Variants in ZFPM2 observed in about 807,000 individuals in gnomAD.
ZFPM2 encodes zinc finger protein, FOG family member 2, also known as zinc finger protein ZFPM2.
In ZFPM2, 20 loss-of-function variants were observed where a neutral mutation model predicts 98.6. The observed-to-expected ratio is 0.20, with a 90% CI of 0.14 to 0.29. The LOEUF (loss-of-function observed/expected upper bound fraction) is 0.29. Ranked by LOEUF, ZFPM2 falls within the 10% of genes least tolerant of loss-of-function variation. The pLI is 1.00. For missense variants in ZFPM2, 1,310 were observed against 1,388.6 expected, an observed-to-expected ratio of 0.94 and a Z score of 0.90; for synonymous variants, 518 against 502.7, an observed-to-expected ratio of 1.03 and a Z score of -0.41.
chr8:105,803,137 G>C lies in ZFPM2; in HGVS notation c.3055G>C (p.Ala1019Pro), dbSNP rs750342489. The C allele has an allele frequency of 1.2e-6, 2 of 1,613,900 alleles. No homozygotes were observed. The highest frequency in any genetic ancestry group is 1.1e-5 in the South Asian group (1 of 91,076). The change falls in exon 8 of 8, where the codon GCT becomes CCT. Residue 1019 changes from alanine (A) to proline (P), a missense_variant. Ala to Pro is a conservative substitution (Grantham distance 27). Coordinates refer to ENST00000407775, the MANE Select transcript of ZFPM2 (RefSeq NM_012082.4). ...NAENESPKGQ[A>P]SSNGCAALKK... is the part of the protein sequence containing the mutation. Reference sequence around the variant, plus strand: ...AGAAAATGAATCTCCTAAAGGCCAGGCTTCCTCAAATGGGTGTGCTGCGCT... The same window carrying C: ...AGAAAATGAATCTCCTAAAGGCCAGCCTTCCTCAAATGGGTGTGCTGCGCT...
intron 1 of ZFPM2, among the ~76,000 whole-genome samples, chr8:105,373,847 T>C (rs1810670228): frequency 1.3e-5 from 2 of 152,190 alleles, no homozygotes; most frequent in African/African-American, 4.8e-5. Flanking sequence ...TGACATACAA[T>C]AGGCAGAGAC....
intron 4 of ZFPM2, among the ~76,000 whole-genome samples, chr8:105,625,749 T>A (rs1816640879): frequency 6.6e-6 from 1 of 151,836 alleles, no homozygotes; most frequent in African/African-American, 2.4e-5. Context: ...CTGGCTAATG[T>A]TTTTTGTAAT....
chr8:105,791,384 G>T (rs1048323976), intron 6 of ZFPM2, among the ~76,000 whole-genome samples: 1 of 152,240 alleles, frequency 6.6e-6, no homozygotes, highest in South Asian at 2.1e-4. Context: ...TTATATGCTG[G>T]ATTACATTTA....
intron 4 of ZFPM2, among the ~76,000 whole-genome samples, chr8:105,576,128 A>T (rs1413382864): frequency 6.6e-6 from 1 of 152,200 alleles, no homozygotes; most frequent in African/African-American, 2.4e-5. Context: ...AAGACAGCTA[A>T]AGCTCCAGCA....
At chr8:105,639,507 C>T (rs960204857) in intron 5 of ZFPM2, among the ~76,000 whole-genome samples, 5 of 151,864 alleles carry the variant, frequency 3.3e-5, no homozygotes, top group Non-Finnish European at 5.9e-5. Flanking sequence ...TCTTTATATG[C>T]GAAGCCACAA....
intron 5 of ZFPM2, among the ~76,000 whole-genome samples, chr8:105,732,577 C>T (rs751451412): frequency 6.6e-6 from 1 of 151,836 alleles, no homozygotes; most frequent in African/African-American, 2.4e-5. Flanking sequence ...AGGGATGTTG[C>T]TTCTCATTAG....
At chr8:105,524,102 TAATATA>T (rs1279806724) in intron 3 of ZFPM2, among the ~76,000 whole-genome samples, 1 of 152,186 alleles carries the variant, frequency 6.6e-6, no homozygotes, top group Non-Finnish European at 1.5e-5. Flanking sequence ...TATCAACTAT[TAATATA>T]TATATTTATA....
At chr8:105,651,846 T>C (rs1050320036) in intron 5 of ZFPM2, among the ~76,000 whole-genome samples, 10 of 152,208 alleles carry the variant, frequency 6.6e-5, no homozygotes, top group Admixed American at 5.9e-4. Flanking sequence ...AAATTACTCA[T>C]GTGGAAATCA....
intron 4 of ZFPM2, among the ~76,000 whole-genome samples, chr8:105,569,979 T>C (rs1210905004): frequency 2.0e-5 from 3 of 152,168 alleles, no homozygotes; most frequent in Admixed American, 2.0e-4. Flanking sequence ...ATTCCTCTAA[T>C]TGGGCTTAAG....
intron 5 of ZFPM2, among the ~76,000 whole-genome samples, chr8:105,715,474 A>G (rs1169988611): frequency 6.6e-6 from 1 of 151,556 alleles, no homozygotes. Flanking sequence ...GAATTAATAT[A>G]CTAATTTACT....
At chr8:105,735,304 C>T (rs1463149834) in intron 5 of ZFPM2, among the ~76,000 whole-genome samples, 6 of 151,126 alleles carry the variant, frequency 4.0e-5, no homozygotes, top group Non-Finnish European at 8.9e-5. Context: ...GATACAGTTG[C>T]TTTTAAGGAC....
chr8:105,795,035 G>A (rs548736761), intron 6 of ZFPM2, among the ~76,000 whole-genome samples: 5 of 152,234 alleles, frequency 3.3e-5, no homozygotes, highest in South Asian at 2.1e-4. Flanking sequence ...TGCGCTTCCC[G>A]AGTGAGGCAA....
intron 3 of ZFPM2, among the ~76,000 whole-genome samples, chr8:105,505,894 C>A (rs1466590017): frequency 2.6e-5 from 4 of 151,920 alleles, no homozygotes; most frequent in Non-Finnish European, 4.4e-5. Context: ...ATATTTTAGC[C>A]TGTGTTTGAT....
intron 3 of ZFPM2, among the ~76,000 whole-genome samples, chr8:105,537,849 G>A (rs1814487573): frequency 6.6e-6 from 1 of 151,860 alleles, no homozygotes. Flanking sequence ...CCCTGCCTCA[G>A]CCTCCCTAGT....
intron 4 of ZFPM2, among the ~76,000 whole-genome samples, chr8:105,586,386 G>A (rs895609371): frequency 5.3e-5 from 8 of 151,604 alleles, no homozygotes; most frequent in Admixed American, 1.3e-4. Context: ...AGAAGTACAC[G>A]CAACCGAGTT....
chr8:105,610,112 G>T (rs1315289518), intron 4 of ZFPM2, among the ~76,000 whole-genome samples: 1 of 152,058 alleles, frequency 6.6e-6, no homozygotes. Flanking sequence ...CAGCTAACAT[G>T]GTATATGGGT....
At chr8:105,734,542 A>G (rs1303584230) in intron 5 of ZFPM2, among the ~76,000 whole-genome samples, 1 of 151,984 alleles carries the variant, frequency 6.6e-6, no homozygotes, top group Non-Finnish European at 1.5e-5. Context: ...TGTCGGCTGC[A>G]TTAAAGCTGT....
At chr8:105,549,998 A>G (rs1814813696) in intron 3 of ZFPM2, among the ~76,000 whole-genome samples, 1 of 152,158 alleles carries the variant, frequency 6.6e-6, no homozygotes. Context: ...TATTAAATAT[A>G]CTAAAATACA....
At chr8:105,520,412 C>T (rs1814027098) in intron 3 of ZFPM2, among the ~76,000 whole-genome samples, 1 of 152,050 alleles carries the variant, frequency 6.6e-6, no homozygotes, top group Non-Finnish European at 1.5e-5. Flanking sequence ...GATGTGAAGG[C>T]AGAGCATGGA....
Sources: gnomAD v4.1 joint callset for allele counts (sites outside exome capture counted in the v4.1 genomes callset) on GRCh38, gnomAD v4.1.1 for gene constraint, MANE v1.5 for transcripts, NCBI Gene and HGNC (gene_info 2026-07-23, HGNC 2026-07-21) for gene names.